B3GNT3: variants seen among roughly 807,000 people sequenced by gnomAD.
B3GNT3 encodes the protein N-acetyllactosaminide beta-1,3-N-acetylglucosaminyltransferase 3.
A neutral mutation model predicts 11.6 loss-of-function variants in B3GNT3; 7 were observed. That is an observed-to-expected ratio of 0.60 (90% CI 0.34 to 1.13). B3GNT3 has a LOEUF of 1.13. Among genes scored for constraint, B3GNT3 ranks in the 50% most tolerant of loss-of-function variants. The probability of loss-of-function intolerance (pLI) is 0.03; values close to 1 mark genes in which losing one functional copy is unlikely to be tolerated. For synonymous variants in B3GNT3, 201 were observed against 222.1 expected, an observed-to-expected ratio of 0.90 and a Z score of 0.85; for missense variants, 400 against 507.4, an observed-to-expected ratio of 0.79 and a Z score of 2.03.
intron 1 of B3GNT3, among the ~76,000 whole-genome samples, chr19:17,798,446 G>A (rs2094162010): frequency 6.6e-6 from 1 of 152,080 alleles, no homozygotes; most frequent in African/African-American, 2.4e-5. Flanking sequence ...CGAGGCGGGT[G>A]GATCACCTGA....
In B3GNT3 at chr19:17,808,201, C is replaced by G. The variant is rs1167557756; in HGVS notation, c.394C>G (p.Arg132Gly). The G allele has an allele frequency of 1.2e-6, 2 of 1,611,624 alleles. No homozygotes were observed. Among genetic ancestry groups the G allele is most frequent in the South Asian group, 1.1e-5 (1 of 90,988 alleles). ...RRELLRRTWG[R>G]ERKVRGLQLR... ...CGAGCTGCTGCGGCGCACGTGGGGC[C>G]GCGAGCGCAAGGTACGGGGTTTGCA... is the stretch of plus-strand genomic sequence containing the variant. The change falls in exon 2 of 3, where the codon CGC (arginine) becomes GGC (glycine). Residue 132 changes from arginine (R) to glycine (G), a missense_variant. Arg to Gly is a moderately radical substitution (Grantham distance 125). Coordinates refer to ENST00000318683, the MANE Select transcript of B3GNT3 (RefSeq NM_014256.4).
chr19:17,807,634 A>G, intron 1 of B3GNT3, 124 bp from the exon 2 acceptor site: 1 of 629,936 alleles, frequency 1.6e-6, no homozygotes, highest in Non-Finnish European at 2.7e-6. Flanking sequence ...TGGAGGAGTT[A>G]AGTGGGGGGT....
rs1408415666 is a variant in B3GNT3 at position 17,813,431 on chromosome 19, C to G, written c.*1309C>G. 6.6e-6 allele frequency among the ~76,000 whole-genome samples: 1 copy of G among 152,028 alleles called. No individual in the cohort carries two copies. Among genetic ancestry groups the G allele is most frequent in the African/African-American group, 2.4e-5 (1 of 41,382 alleles). On this transcript the variant is annotated 3_prime_UTR_variant, in exon 3 of 3. Coordinates refer to ENST00000318683, the MANE Select transcript of B3GNT3 (RefSeq NM_014256.4). ...TGCGCCACTGTACTCCACTGGGCGGCAATAAGAAGACAAAAACATAAAACA... is the reference window on the plus strand; with the variant it reads ...TGCGCCACTGTACTCCACTGGGCGGGAATAAGAAGACAAAAACATAAAACA...
At position 17,811,933 on chromosome 19, in the gene B3GNT3, G is replaced by A; in HGVS notation, c.930G>A (p.Lys310=). The change falls in exon 3 of 3, where the codon AAG becomes AAA. Residue 310 remains lysine, a synonymous_variant. Coordinates refer to ENST00000318683, the MANE Select transcript of B3GNT3 (RefSeq NM_014256.4). This position sits in a 1 kb window ranked among gnomAD's most constrained non-coding sequence, Gnocchi z 4.1. Reference sequence around the variant, plus strand: ...TGTGTCTGGAGCTTGAGGGACTGAAGCCTGCCTCCCACAGCGGCATCCGCA... The same window carrying A: ...TGTGTCTGGAGCTTGAGGGACTGAAACCTGCCTCCCACAGCGGCATCCGCA... The part of the protein sequence containing the change: ...LGMCLELEGL[K]PASHSGIRTS... 1 of 1,612,722 alleles carries A rather than the reference G, an allele frequency of 6.2e-7. No individual in the cohort carries two copies. Among genetic ancestry groups the A allele is most frequent in the South Asian group, 1.1e-5 (1 of 91,090 alleles).
At chr19:17,800,977 A>G (rs2094165480) in intron 1 of B3GNT3, among the ~76,000 whole-genome samples, 1 of 151,630 alleles carries the variant, frequency 6.6e-6, no homozygotes. Context: ...TCTAAAATAT[A>G]TATATGTATA....
chr19:17,804,482 GC>G (rs918265261), intron 1 of B3GNT3, among the ~76,000 whole-genome samples: 8 of 139,496 alleles, frequency 5.7e-5, no homozygotes, highest in African/African-American at 2.2e-4. Flanking sequence ...TCAAGTGATT[GC>G]CTCGGCTTCC....
chr19:17,810,669 G>A (rs1451515186), intron 2 of B3GNT3, among the ~76,000 whole-genome samples: 1 of 151,856 alleles, frequency 6.6e-6, no homozygotes, highest in African/African-American at 2.4e-5. Flanking sequence ...ATCACCTGAG[G>A]TCAGGAGTTC....
chr19:17,812,370 G>T lies in B3GNT3; in HGVS notation c.*248G>T. ...AAATATCCATCTTCTTTTTGTGGCT[G>T]CTAATGGCAGAAGTGCCTGTGCTAG... On this transcript the variant is annotated 3_prime_UTR_variant, in exon 3 of 3. Coordinates refer to ENST00000318683, the MANE Select transcript of B3GNT3 (RefSeq NM_014256.4). 2.0e-6 allele frequency: 1 copy of T among 492,000 alleles called. No homozygotes were observed. Among genetic ancestry groups the T allele is most frequent in the Middle Eastern group, 5.5e-4 (1 of 1,806 alleles). The allele number at this position is 492,000 out of a possible 1,614,324, so 30.5% of individuals were successfully genotyped here.
intron 1 of B3GNT3, among the ~76,000 whole-genome samples, chr19:17,807,246 T>C (rs1359604596): frequency 6.6e-6 from 1 of 151,406 alleles, no homozygotes. Flanking sequence ...TCCCAGCCCT[T>C]TGGGAGGCCG....
chr19:17,800,468 C>A (rs2094164779), intron 1 of B3GNT3, among the ~76,000 whole-genome samples: 1 of 152,144 alleles, frequency 6.6e-6, no homozygotes, highest in African/African-American at 2.4e-5. Context: ...TGACTGCCCC[C>A]TGGGAGTGGC....
At chr19:17,802,687 T>C (rs553294235) in intron 1 of B3GNT3, among the ~76,000 whole-genome samples, 16 of 151,526 alleles carry the variant, frequency 1.1e-4, no homozygotes, top group African/African-American at 3.6e-4. Context: ...TGAGCTTGGG[T>C]GGTTTTTGTT....
At chr19:17,810,636 C>A (rs556682936) in intron 2 of B3GNT3, among the ~76,000 whole-genome samples, 84 of 152,052 alleles carry the variant, frequency 5.5e-4, no homozygotes, top group Admixed American at 1.4e-3. Context: ...AATCCCAGCA[C>A]TTTGGGAGGC....
rs138238398 is a variant in B3GNT3, at chr19:17,812,565, C to T, written c.*443C>T. The T allele has an allele frequency of 5.3e-5, 9 of 169,986 alleles. No individual in the cohort carries two copies. In the East Asian group the frequency reaches 1.0e-3, roughly 19 times the overall value. The allele number at this position is 169,986 out of a possible 1,614,324, so 10.5% of individuals were successfully genotyped here. On this transcript the variant is annotated 3_prime_UTR_variant, in exon 3 of 3. Transcript: ENST00000318683. ...AACTCCTGTGTCCACATAGAGCTGA[C>T]GTGAGAAATATCTTTCAGCCCAGGA...
intron 1 of B3GNT3, among the ~76,000 whole-genome samples, chr19:17,797,770 G>A (rs2094161134): frequency 6.6e-6 from 1 of 152,130 alleles, no homozygotes; most frequent in Non-Finnish European, 1.5e-5. Flanking sequence ...AGTACACATG[G>A]TTTCACTAAA....
At chr19:17,802,563 C>T (rs2094167608) in intron 1 of B3GNT3, among the ~76,000 whole-genome samples, 1 of 152,058 alleles carries the variant, frequency 6.6e-6, no homozygotes, top group Non-Finnish European at 1.5e-5. Flanking sequence ...AGGTCGAAGC[C>T]TCTCGGAGGT....
intron 1 of B3GNT3, among the ~76,000 whole-genome samples, chr19:17,805,106 A>AATTTTTT (rs1555739659): frequency 7.6e-6 from 1 of 132,044 alleles, no homozygotes; most frequent in African/African-American, 2.8e-5. Context: ...GACCACAGGG[A>AATTTTTT]TTTTTTTTTT....
At position 17,807,760 on chromosome 19, in the gene B3GNT3, G is replaced by C; in HGVS notation, c.-48G>C. On this transcript the variant is annotated splice_region_variant and 5_prime_UTR_variant, in exon 2 of 3. Coordinates refer to ENST00000318683, the MANE Select transcript of B3GNT3 (RefSeq NM_014256.4). ...TCAGTGAGTTTTGTTTTCCACAGGA[G>C]CCGCCCAGGAGGCTCCTCAGGCCGA... The C allele has an allele frequency of 6.5e-7, 1 of 1,536,734 alleles. No homozygotes were observed. Among genetic ancestry groups the C allele is most frequent in the Non-Finnish European group, 8.8e-7 (1 of 1,135,306 alleles).
At chr19:17,801,471 C>A (rs2094166103) in intron 1 of B3GNT3, among the ~76,000 whole-genome samples, 1 of 151,430 alleles carries the variant, frequency 6.6e-6, no homozygotes, top group South Asian at 2.1e-4. Context: ...TACAAGCCAC[C>A]ATACCCAGCT....
intron 2 of B3GNT3, among the ~76,000 whole-genome samples, chr19:17,809,868 G>A (rs1176556486): frequency 6.6e-6 from 1 of 152,094 alleles, no homozygotes; most frequent in South Asian, 2.1e-4. Flanking sequence ...AGCAAGACAA[G>A]TAGAGACAAC....
Sources: gnomAD v4.1 joint callset for allele counts (sites outside exome capture counted in the v4.1 genomes callset) on GRCh38, gnomAD v4.1.1 for gene constraint, Gnocchi (gnomAD v3.1) non-coding constraint, MANE v1.5 for transcripts, NCBI Gene and HGNC (gene_info 2026-07-23, HGNC 2026-07-21) for gene names.